The following NCOR2 variants were observed in gnomAD, a reference collection of about 807,000 sequenced individuals.
NCOR2 encodes the protein CTG repeat protein 26.
Under a neutral mutation model 262.9 loss-of-function variants are expected in NCOR2, and 81 were observed. The observed-to-expected ratio is 0.31, with a 90% CI of 0.26 to 0.37. The LOEUF is 0.37. Among genes scored for constraint, NCOR2 ranks in the 10% least tolerant of loss-of-function variants. The probability of loss-of-function intolerance (pLI) is 1.00; values close to 1 mark genes in which losing one functional copy is unlikely to be tolerated. For synonymous variants in NCOR2, 1,659 were observed against 1,559.3 expected, an observed-to-expected ratio of 1.06 and a Z score of -1.51; for missense variants, 3,385 against 3,621.4, an observed-to-expected ratio of 0.93 and a Z score of 1.68.
At position 124,443,674 on chromosome 12, in the gene NCOR2, C is replaced by T. The variant is rs148171074; in HGVS notation, c.816-5678G>A. Among the ~76,000 whole-genome samples the T allele has an allele frequency of 0.036, 5,523 of 151,920 alleles. 139 individuals carry two copies. Among genetic ancestry groups the T allele is most frequent in the Middle Eastern group, 0.058 (17 of 294 alleles). On this transcript the variant is annotated intron_variant, in intron 7 of 46. Coordinates refer to ENST00000405201, the Ensembl canonical transcript of NCOR2. This position sits in a 1 kb window ranked among gnomAD's most constrained non-coding sequence, Gnocchi z 4.4. ...CGTGCCACTACGCCCAGCTAATTTT[C>T]GTATTTTTAGTAGAGACGGGGTTTC... is the stretch of plus-strand genomic sequence containing the variant.
At chr12:124,334,290 C>T in intron 41 of NCOR2, 134 bp downstream of exon 43, 1 of 599,620 alleles carries the variant, frequency 1.7e-6, no homozygotes, top group Non-Finnish European at 2.9e-6. Context: ...CTCCTGGAGC[C>T]TCCATTTCTT....
chr12:124,344,857 G>A, exon 32 of NCOR2: 1 of 1,573,002 alleles, frequency 6.4e-7, no homozygotes, highest in Non-Finnish European at 8.6e-7. Context: ...GTGCACGGGT[G>A]GGAACGTCCG....
At chr12:124,512,258 A>C (rs2049436191) in intron 1 of NCOR2, among the ~76,000 whole-genome samples, 1 of 152,194 alleles carries the variant, frequency 6.6e-6, no homozygotes, top group African/African-American at 2.4e-5. Context: ...TGGAAGTCCA[A>C]AATCAAGGCG....
In NCOR2 at chr12:124,386,961, G is replaced by A. The variant is rs75830649; in HGVS notation, c.1877-1074C>T. Among the ~76,000 whole-genome samples the A allele has an allele frequency of 4.4e-3, 676 of 152,340 alleles. 28 individuals are homozygous for A. In the East Asian group the frequency reaches 0.087, roughly 20 times the overall value. ...AGACAGGGAGTGCTCCTGACCTAGG[G>A]GTCTGTGCGGCAAGAGGGTGCCCCT... On this transcript the variant is annotated intron_variant, in intron 16 of 46. Coordinates refer to ENST00000405201, the Ensembl canonical transcript of NCOR2.
At chr12:124,367,706 C>A (rs2039150682) in intron 20 of NCOR2, among the ~76,000 whole-genome samples, 1 of 152,198 alleles carries the variant, frequency 6.6e-6, no homozygotes, top group African/African-American at 2.4e-5. Context: ...AATCTTGGCT[C>A]ACTGCAAGCT....
At chr12:124,353,872 A>G (rs2037722344) in intron 27 of NCOR2, among the ~76,000 whole-genome samples, 1 of 152,014 alleles carries the variant, frequency 6.6e-6, no homozygotes, top group African/African-American at 2.4e-5. Context: ...GTTTCCTTCC[A>G]CTACATGGCA....
At chr12:124,436,958 C>T (rs557665829) in intron 8 of NCOR2, among the ~76,000 whole-genome samples, 8 of 152,060 alleles carry the variant, frequency 5.3e-5, no homozygotes, top group South Asian at 2.1e-4. Flanking sequence ...TGGTGGCGGG[C>T]GCCTGTAATC....
chr12:124,402,002 A>C (rs558547068), intron 14 of NCOR2, among the ~76,000 whole-genome samples: 4 of 152,260 alleles, frequency 2.6e-5, no homozygotes, highest in East Asian at 3.9e-4. Context: ...CCGCCTGCAC[A>C]CCTAGTCCTT....
intron 42 of NCOR2, 125 bp from the exon 45 acceptor site, chr12:124,332,592 T>C (rs2035295164): frequency 1.7e-6 from 2 of 1,188,446 alleles, no homozygotes; most frequent in Non-Finnish European, 1.2e-6. Context: ...CCCCCACGCC[T>C]GCATCCCCTG....
chr12:124,408,292 T>G (rs1026641293), intron 13 of NCOR2, among the ~76,000 whole-genome samples: 1 of 151,740 alleles, frequency 6.6e-6, no homozygotes, highest in East Asian at 1.9e-4. Flanking sequence ...AGGCGGAGCT[T>G]GCAGTGAGCC....
chr12:124,471,885 G>A (rs1030961636), intron 4 of NCOR2, among the ~76,000 whole-genome samples: 1 of 152,208 alleles, frequency 6.6e-6, no homozygotes, highest in Admixed American at 6.5e-5. Context: ...TTCTTTAAAG[G>A]CCTAAACAGC....
intron 17 of NCOR2, among the ~76,000 whole-genome samples, chr12:124,383,893 T>C (rs546209710): frequency 1.3e-4 from 20 of 152,262 alleles, no homozygotes; most frequent in Non-Finnish European, 2.9e-4. Flanking sequence ...TCCAAGCCAC[T>C]CTCAGGTTTT....
chr12:124,400,822 G>A, intron 14 of NCOR2, 149 bp from the exon 17 acceptor site: 1 of 1,022,462 alleles, frequency 9.8e-7, no homozygotes. Flanking sequence ...GAGGCCTGAG[G>A]TGAGGGTGGC....
intron 4 of NCOR2, among the ~76,000 whole-genome samples, chr12:124,469,078 C>T (rs1006393828): frequency 1.3e-5 from 2 of 151,720 alleles, no homozygotes; most frequent in Non-Finnish European, 2.9e-5. Context: ...ATCATGCTGC[C>T]GTCTGCTTCA....
chr12:124,560,711 C>T (rs570486132), intron 1 of NCOR2, among the ~76,000 whole-genome samples: 16 of 152,302 alleles, frequency 1.1e-4, no homozygotes, highest in Admixed American at 3.3e-4. Flanking sequence ...GAAACTCAGG[C>T]GCGGGAAGCT....
intron 1 of NCOR2, among the ~76,000 whole-genome samples, chr12:124,490,522 C>G (rs932122586): frequency 6.6e-6 from 1 of 152,194 alleles, no homozygotes; most frequent in African/African-American, 2.4e-5. Context: ...GGAGCTCCCA[C>G]CAGCCTCTCT....
intron 16 of NCOR2, among the ~76,000 whole-genome samples, chr12:124,395,843 C>T (rs779247153): frequency 7.9e-5 from 12 of 152,168 alleles, no homozygotes; most frequent in Non-Finnish European, 1.8e-4. Context: ...AATCTCCCAG[C>T]CAACAGGCTG....
chr12:124,436,389 CCCTCCAG>C (rs1264684340), intron 8 of NCOR2, among the ~76,000 whole-genome samples: 1 of 152,174 alleles, frequency 6.6e-6, no homozygotes, highest in Non-Finnish European at 1.5e-5. Flanking sequence ...TGAGGGGAGC[CCCTCCAG>C]CCTCCAGCAA....
chr12:124,369,822 G>A (rs956705102), intron 20 of NCOR2, among the ~76,000 whole-genome samples: 6 of 152,258 alleles, frequency 3.9e-5, no homozygotes, highest in African/African-American at 1.2e-4. Flanking sequence ...GGGAGGACAC[G>A]GCCCTGGGCG....
Sources: gnomAD v4.1 joint callset for allele counts (sites outside exome capture counted in the v4.1 genomes callset) on GRCh38, gnomAD v4.1.1 for gene constraint, Gnocchi (gnomAD v3.1) non-coding constraint, MANE v1.5 for transcripts, NCBI Gene and HGNC (gene_info 2026-07-23, HGNC 2026-07-21) for gene names.